Variants in ASIP observed in about 807,000 individuals in gnomAD.
ASIP encodes the protein agouti-signaling protein.
Under a neutral mutation model 10.3 loss-of-function variants are expected in ASIP, and 11 were observed. The ratio of observed to expected loss-of-function variants is 1.07; its 90% confidence interval spans 0.68 to 1.78. The LOEUF is 1.78. ASIP is among the 40% of genes most tolerant of loss of function. The probability of loss-of-function intolerance (pLI) is 0.00; values close to 1 mark genes in which losing one functional copy is unlikely to be tolerated. For missense variants in ASIP, 180 were observed against 169.2 expected (o/e 1.06, Z -0.35); for synonymous variants, 70 against 70.8 (o/e 0.99, Z 0.06).
At chr20:34,192,638 A>G (rs1191457210), upstream of ASIP, among the ~76,000 whole-genome samples, 1 of 151,868 alleles carries the variant, frequency 6.6e-6, no homozygotes, top group Non-Finnish European at 1.5e-5. Flanking sequence ...TTTGTGAAGA[A>G]CAGAAATGGC....
chr20:34,243,404 G>A (rs1275642605), intron 1 of ASIP, among the ~76,000 whole-genome samples: 2 of 152,194 alleles, frequency 1.3e-5, no homozygotes, highest in African/African-American at 4.8e-5. Flanking sequence ...ATCGGTACGT[G>A]TATGTAGATA....
In ASIP at chr20:34,258,674, C is replaced by CAT. The variant is rs772655085; in HGVS notation, c.-10-1675_-10-1674dup. Among the ~76,000 whole-genome samples, 17 of 12,150 alleles carry CAT rather than the reference C, an allele frequency of 1.4e-3. 4 individuals are homozygous for CAT. Among genetic ancestry groups the CAT allele is most frequent in the Middle Eastern group, 0.071 (1 of 14 alleles). 8.0% of individuals were successfully genotyped at this position (12,150 alleles called of 152,430 possible). A position where few individuals can be genotyped will look rare whatever the true frequency, so the allele number is the denominator to read the frequency against. On this transcript the variant is annotated intron_variant, in intron 1 of 3. Transcript: ENST00000374954. ...AGTTAATATCTTAGAAGGGGGATGC[C>CAT]ATATATATATATATATACATACTAT...
At chr20:34,199,462 A>G (rs947012379) in intron 1 of ASIP, among the ~76,000 whole-genome samples, 2 of 152,150 alleles carry the variant, frequency 1.3e-5, no homozygotes, top group Non-Finnish European at 2.9e-5. Context: ...TTTTTCTTAC[A>G]TCCTCATCAG....
chr20:34,245,490 C>T (rs1407199932), intron 1 of ASIP, among the ~76,000 whole-genome samples: 3 of 151,502 alleles, frequency 2.0e-5, no homozygotes, highest in South Asian at 2.1e-4. Context: ...CAGGTTCCAG[C>T]GATTCTCAGG....
intron 1 of ASIP, among the ~76,000 whole-genome samples, chr20:34,221,035 T>A (rs538427478): frequency 6.9e-6 from 1 of 144,426 alleles, no homozygotes; most frequent in South Asian, 2.2e-4. Context: ...TCAAGCAGAA[T>A]GTGGGACTTG....
intron 1 of ASIP, among the ~76,000 whole-genome samples, chr20:34,247,247 T>C (rs942815421): frequency 1.3e-5 from 2 of 152,056 alleles, no homozygotes; most frequent in African/African-American, 4.8e-5. Context: ...GGTCCTCAAT[T>C]GAAACAGGTT....
At chr20:34,265,332 G>C (rs899336994) in intron 3 of ASIP, among the ~76,000 whole-genome samples, 5 of 151,932 alleles carry the variant, frequency 3.3e-5, no homozygotes, top group Non-Finnish European at 7.4e-5. Context: ...AGACCAGCCT[G>C]AGCAACATGA....
In ASIP at chr20:34,258,700, A is replaced by ATATATATATATACACACACATAC. The variant is rs1555826880; in HGVS notation, c.-10-1656_-10-1655insATACACACACATACTATATATAT. Among the ~76,000 whole-genome samples the ATATATATATATACACACACATAC allele has an allele frequency of 1.5e-4, 12 of 77,922 alleles. 2 individuals are homozygous for ATATATATATATACACACACATAC. The South Asian group carries it at 1.7e-3, about 11-fold the overall frequency. The allele number at this position is 77,922 out of a possible 152,430, so 51.1% of individuals were successfully genotyped here. On this transcript the variant is annotated intron_variant, in intron 1 of 3. Coordinates refer to ENST00000374954, the MANE Select transcript of ASIP (RefSeq NM_001672.3). The stretch of plus-strand genomic sequence containing the variant: ...ATATATATATATATATACATACTAT[A>ATATATATATATACACACACATAC]TATATATATTATATATATTATAAAA...
intron 1 of ASIP, among the ~76,000 whole-genome samples, chr20:34,233,492 G>A (rs1441289786): frequency 6.6e-6 from 1 of 152,126 alleles, no homozygotes; most frequent in Non-Finnish European, 1.5e-5. Context: ...AAGGAAGCCA[G>A]CCACAAAGAC....
intron 1 of ASIP, among the ~76,000 whole-genome samples, chr20:34,233,143 C>CTTTTTTT (rs755217642): frequency 3.5e-4 from 35 of 100,324 alleles, no homozygotes; most frequent in African/African-American, 1.3e-3. Flanking sequence ...GGGACAAGAG[C>CTTTTTTT]TTTTTTTTTT....
chr20:34,225,035 T>TTTTGTTTG (rs930879079), intron 1 of ASIP, among the ~76,000 whole-genome samples: 1 of 133,934 alleles, frequency 7.5e-6, no homozygotes, highest in Non-Finnish European at 1.6e-5. Context: ...GCACCTTTGT[T>TTTTGTTTG]TTTGTTTGTT....
intron 1 of ASIP, chr20:34,213,891 T>C: frequency 1.3e-6 from 2 of 1,584,076 alleles, no homozygotes; most frequent in South Asian, 1.1e-5. Context: ...TAGTTCGACT[T>C]GCAAATCCAA....
intron 3 of ASIP, among the ~76,000 whole-genome samples, chr20:34,266,508 ACT>A (rs2035788640): frequency 6.6e-6 from 1 of 152,020 alleles, no homozygotes; most frequent in South Asian, 2.1e-4. Context: ...CCCCGTCTCT[ACT>A]AAAAATACAA....
rs2035846795 is a variant in ASIP, at chr20:34,269,268, G to A, written c.*101G>A. On this transcript the variant is annotated 3_prime_UTR_variant, in exon 4 of 4. Coordinates refer to ENST00000374954, the MANE Select transcript of ASIP (RefSeq NM_001672.3). ...GGGCGGCTTCCCAGGGCTGCAGGCG[G>A]GCGGAGGTTCCAGGAGATGGGACTT... 1.5e-6 allele frequency: 2 copies of A among 1,378,848 alleles called. No homozygotes were observed. The highest frequency in any genetic ancestry group is 1.9e-6 in the Non-Finnish European group (2 of 1,058,244). 85.4% of individuals were successfully genotyped at this position (1,378,848 alleles called of 1,614,324 possible).
chr20:34,261,463 G>A lies in ASIP; in HGVS notation c.160+929G>A, dbSNP rs185560293. ...AGCCTGGTCAACAGGGTGAAACCCCGTCCCTATTAAAAATACAAAAATTAA... is the reference window on the plus strand; with the variant it reads ...AGCCTGGTCAACAGGGTGAAACCCCATCCCTATTAAAAATACAAAAATTAA... On this transcript the variant is annotated intron_variant, in intron 2 of 3. Transcript: ENST00000374954. Among the ~76,000 whole-genome samples, 66 of 152,148 alleles carry A rather than the reference G, an allele frequency of 4.3e-4. 1 individual carries two copies. Among genetic ancestry groups the A allele is most frequent in the African/African-American group, 7.0e-4 (29 of 41,514 alleles).
upstream of ASIP, among the ~76,000 whole-genome samples, chr20:34,192,723 T>C (rs1449397226): frequency 6.6e-6 from 1 of 152,178 alleles, no homozygotes; most frequent in Non-Finnish European, 1.5e-5. Context: ...ACCTCATACC[T>C]TGTTGCCAAA....
chr20:34,251,436 G>A (rs1159339605), intron 1 of ASIP, among the ~76,000 whole-genome samples: 1 of 151,456 alleles, frequency 6.6e-6, no homozygotes, highest in Non-Finnish European at 1.5e-5. Context: ...ACGCCCGGCT[G>A]ATTTTTTTTT....
chr20:34,232,166 G>A (rs2122580204), intron 1 of ASIP, among the ~76,000 whole-genome samples: 1 of 152,350 alleles, frequency 6.6e-6, no homozygotes, highest in East Asian at 1.9e-4. Flanking sequence ...ATAGAAAGCA[G>A]TAAGTGAGCT....
At chr20:34,201,880 G>A (rs1431063349) in intron 1 of ASIP, among the ~76,000 whole-genome samples, 4 of 151,974 alleles carry the variant, frequency 2.6e-5, no homozygotes, top group Non-Finnish European at 5.9e-5. Flanking sequence ...ACATGTTCAG[G>A]GCTTCTAGAA....
Sources: allele counts gnomAD v4.1 joint callset (sites outside exome capture counted in the v4.1 genomes callset), GRCh38; gene constraint gnomAD v4.1.1; transcripts MANE v1.5; gene names NCBI Gene and HGNC (gene_info 2026-07-23, HGNC 2026-07-21).